Variants in REV1 observed in about 807,000 individuals in gnomAD.
The protein encoded by REV1 is REV1 DNA directed polymerase, also known as translesion synthesis protein REV1.
In REV1, 42 loss-of-function variants were observed where a neutral mutation model predicts 137.4. That is an observed-to-expected ratio of 0.31 (90% CI 0.24 to 0.40). REV1 has a LOEUF of 0.40. Among genes scored for constraint, REV1 ranks in the 10% least tolerant of loss-of-function variants. The probability of loss-of-function intolerance (pLI) is 1.00; values close to 1 mark genes in which losing one functional copy is unlikely to be tolerated. For synonymous variants in REV1, 524 were observed against 519.2 expected (o/e 1.01, Z -0.12); for missense variants, 1,282 against 1,490.1 (o/e 0.86, Z 2.30).
Position 99,442,281 on chromosome 2 carries a change from C to T in REV1, c.503+36G>A, listed in dbSNP as rs775076728. 38 of 1,167,676 alleles carry T rather than the reference C, an allele frequency of 3.3e-5. No homozygotes were observed. In the East Asian group the frequency reaches 9.2e-4, roughly 28 times the overall value. The allele number at this position is 1,167,676 out of a possible 1,614,324, so 72.3% of individuals were successfully genotyped here. ...AAAAAAAAAAAAAAAAAAAAACCAA[C>T]CAGCTTTGCAGTAATCCCCAACTAG... On this transcript the variant is annotated intron_variant, in intron 5 of 22. Coordinates refer to ENST00000258428, the MANE Select transcript of REV1 (RefSeq NM_016316.4).
chr2:99,476,217 C>G (rs184108210), intron 1 of REV1, among the ~76,000 whole-genome samples: 19 of 152,106 alleles, frequency 1.2e-4, no homozygotes, highest in African/African-American at 2.2e-4. Flanking sequence ...CTTTTCCCCC[C>G]CTTCACATGG....
intron 9 of REV1, 32 bp downstream of exon 9, chr2:99,429,808 A>C (rs1679883691): frequency 7.9e-7 from 1 of 1,266,518 alleles, no homozygotes; most frequent in Admixed American, 2.3e-5. Context: ...CAAATTATTC[A>C]TTAAGAATTG....
Position 99,401,114 on chromosome 2 carries a change from C to A in REV1, c.*127G>T. The A allele has an allele frequency of 1.9e-6, 1 of 533,844 alleles. No individual in the cohort carries two copies. Among genetic ancestry groups the A allele is most frequent in the South Asian group, 3.4e-5 (1 of 29,082 alleles). 33.1% of individuals were successfully genotyped at this position (533,844 alleles called of 1,614,324 possible). A position where few individuals can be genotyped will look rare whatever the true frequency, so the allele number is the denominator to read the frequency against. On this transcript the variant is annotated 3_prime_UTR_variant, in exon 23 of 23. Coordinates refer to ENST00000258428, the MANE Select transcript of REV1 (RefSeq NM_016316.4). ...TTGGCACTTTTTGAAAAGAAATGTACAAAACACTTGCTTTAAAAGAAATTT... is the reference window on the plus strand; with the variant it reads ...TTGGCACTTTTTGAAAAGAAATGTAAAAAACACTTGCTTTAAAAGAAATTT...
chr2:99,422,642 A>G (rs573231173), intron 10 of REV1, among the ~76,000 whole-genome samples: 1 of 152,368 alleles, frequency 6.6e-6, no homozygotes, highest in South Asian at 2.1e-4. Flanking sequence ...GCCCTGAGAC[A>G]GGGAGAATAT....
Position 99,402,758 on chromosome 2 carries a change from T to C in REV1, c.3427A>G (p.Ser1143Gly), listed in dbSNP as rs763046340. The stretch of plus-strand genomic sequence containing the variant: ...CAGCCAGCTGGGTCAGACTGCAAAC[T>C]AGAAAGGCCTGGCACACCTGAAGTA... ...ASTSGVPGLS[S>G]LQSDPAGCVR... is the part of the protein sequence containing the mutation. Residue 1143 changes from serine (S) to glycine (G), a missense_variant, in exon 21 of 23, where the codon AGT (serine) becomes GGT (glycine). Physicochemically the swap from Ser to Gly is moderately conservative, Grantham distance 56. Transcript: ENST00000258428. 1.7e-5 allele frequency: 28 copies of C among 1,614,046 alleles called. 1 individual carries two copies. Among genetic ancestry groups the C allele is most frequent in the African/African-American group, 9.3e-5 (7 of 74,922 alleles).
intron 2 of REV1, among the ~76,000 whole-genome samples, chr2:99,463,897 T>A (rs957187933): frequency 2.0e-5 from 3 of 152,184 alleles, no homozygotes; most frequent in Non-Finnish European, 2.9e-5. Context: ...GTGCTGGGAT[T>A]ACAGGTGTGA....
chr2:99,403,543 A>G (rs1559275766), intron 19 of REV1, 152 bp downstream of exon 19: 1 of 900,438 alleles, frequency 1.1e-6, no homozygotes, highest in Non-Finnish European at 1.7e-6. Context: ...GATGATATTT[A>G]CTCATACTGT....
rs1471150504 is a variant in REV1, at chr2:99,439,131, T to C, written c.683A>G (p.His228Arg). The C allele has an allele frequency of 6.2e-7, 1 of 1,614,156 alleles. No individual in the cohort carries two copies. The highest frequency in any genetic ancestry group is 1.1e-5 in the South Asian group (1 of 91,064). ...PRGSTAIFNGHTPSSNGALKT... is the reference protein window; with the variant it reads ...PRGSTAIFNGRTPSSNGALKT... ...TAAGGCACCATTAGAGCTAGGAGTG[T>C]GTCCATTAAAAATGGCAGTGCTCCC... Residue 228 changes from histidine to arginine, a missense_variant, in exon 6 of 23, where the codon CAC becomes CGC. Physicochemically the swap from His to Arg is conservative, Grantham distance 29 (BLOSUM62 0). Around this residue, in one of 7 missense-constraint regions of REV1, gnomAD observed 432 missense variants for 438.0 expected, o/e 0.99. Coordinates refer to ENST00000258428, the MANE Select transcript of REV1 (RefSeq NM_016316.4).
intron 5 of REV1, among the ~76,000 whole-genome samples, chr2:99,441,726 T>TA (rs934262362): frequency 6.6e-6 from 1 of 152,120 alleles, no homozygotes; most frequent in Non-Finnish European, 1.5e-5. Flanking sequence ...ATTACTTTCA[T>TA]AAAAATCCAT....
chr2:99,482,841 AC>A (rs1176978717), intron 1 of REV1, among the ~76,000 whole-genome samples: 1 of 151,764 alleles, frequency 6.6e-6, no homozygotes, highest in Non-Finnish European at 1.5e-5. Context: ...ACATGGTGAA[AC>A]CCCGTCTCTA....
At chr2:99,402,388 G>C in intron 21 of REV1, 42 bp from the exon 22 acceptor site, 1 of 1,006,530 alleles carries the variant, frequency 9.9e-7, no homozygotes, top group East Asian at 2.5e-5. Flanking sequence ...CAGTCTTTTT[G>C]AAGGAGAAAG....
intron 6 of REV1, chr2:99,436,530 A>C (rs1177908671): frequency 6.5e-6 from 1 of 152,748 alleles, no homozygotes; most frequent in Non-Finnish European, 1.5e-5. Flanking sequence ...AAGTACTTAA[A>C]AACAGTCTAT....
intron 1 of REV1, among the ~76,000 whole-genome samples, chr2:99,468,281 T>G (rs1157591884): frequency 1.3e-5 from 2 of 152,212 alleles, no homozygotes; most frequent in Admixed American, 6.5e-5. Context: ...AATGCCTCTG[T>G]AATAACATCC....
intron 21 of REV1, 68 bp downstream of exon 21, chr2:99,402,576 G>A (rs1167419745): frequency 6.9e-7 from 1 of 1,457,940 alleles, no homozygotes; most frequent in Non-Finnish European, 9.5e-7. Flanking sequence ...AGTTTAGTCT[G>A]TTTATGTTCT....
At chr2:99,443,773 C>T (rs1681813281) in intron 4 of REV1, among the ~76,000 whole-genome samples, 1 of 152,058 alleles carries the variant, frequency 6.6e-6, no homozygotes, top group Non-Finnish European at 1.5e-5. Flanking sequence ...TTTCAGGTTA[C>T]ATTCAAATAT....
intron 1 of REV1, among the ~76,000 whole-genome samples, chr2:99,486,972 A>G (rs958435517): frequency 3.3e-5 from 5 of 152,204 alleles, no homozygotes; most frequent in Non-Finnish European, 7.3e-5. Context: ...GAAAAAGAGA[A>G]TAAAGAATAA....
chr2:99,468,545 CAAAAA>C (rs1685068093), intron 1 of REV1, among the ~76,000 whole-genome samples: 1 of 152,196 alleles, frequency 6.6e-6, no homozygotes, highest in South Asian at 2.1e-4. Flanking sequence ...GACTTGTAAA[CAAAAA>C]TTGCCTTCTA....
intron 1 of REV1, among the ~76,000 whole-genome samples, chr2:99,468,947 C>T (rs758069148): frequency 3.9e-5 from 6 of 152,146 alleles, no homozygotes; most frequent in Non-Finnish European, 7.4e-5. Context: ...TATCCATGGT[C>T]TACAACATAA....
intron 1 of REV1, among the ~76,000 whole-genome samples, chr2:99,483,867 CA>C (rs796562518): frequency 2.6e-5 from 4 of 152,220 alleles, no homozygotes; most frequent in African/African-American, 9.6e-5. Flanking sequence ...CTTGGGGTCT[CA>C]CTTTCCTCCA....
Sources: gnomAD v4.1 joint callset for allele counts (sites outside exome capture counted in the v4.1 genomes callset) on GRCh38, gnomAD v4.1.1 for gene constraint, gnomAD v4.1.1 regional missense constraint, MANE v1.5 for transcripts, NCBI Gene and HGNC (gene_info 2026-07-23, HGNC 2026-07-21) for gene names.